The following ADAMTS20 variants were observed in gnomAD, a reference collection of about 807,000 sequenced individuals.
The protein encoded by ADAMTS20 is A disintegrin and metalloproteinase with thrombospondin motifs 20.
ADAMTS20 carries 225 observed loss-of-function variants against 260.1 expected under a neutral mutation model. That is an observed-to-expected ratio of 0.87 (90% CI 0.78 to 0.97). The LOEUF (loss-of-function observed/expected upper bound fraction) is 0.97. Ranked by LOEUF, ADAMTS20 falls within the 50% of genes least tolerant of loss-of-function variation. The pLI is 0.00. For synonymous variants in ADAMTS20, 802 were observed against 769.5 expected (o/e 1.04, Z -0.70); for missense variants, 2,400 against 2,337.7 (o/e 1.03, Z -0.55).
chr12:43,402,807 C>A (rs1940835801), intron 28 of ADAMTS20, among the ~76,000 whole-genome samples: 1 of 152,012 alleles, frequency 6.6e-6, no homozygotes, highest in South Asian at 2.1e-4. Flanking sequence ...GCATTCTCAT[C>A]AAAAGACTTT....
intron 11 of ADAMTS20, among the ~76,000 whole-genome samples, chr12:43,457,887 A>G (rs1301574775): frequency 6.6e-6 from 1 of 152,208 alleles, no homozygotes; most frequent in Non-Finnish European, 1.5e-5. Context: ...GTATGAATCC[A>G]TTCAAATCTT....
intron 24 of ADAMTS20, 129 bp downstream of exon 24, chr12:43,429,488 A>G (rs1366121826): frequency 7.7e-6 from 5 of 652,138 alleles, no homozygotes; most frequent in East Asian, 2.8e-5. Flanking sequence ...TCTAAACCCT[A>G]TACTTCTTTG....
At chr12:43,535,911 G>T (rs1274450329) in intron 2 of ADAMTS20, among the ~76,000 whole-genome samples, 1 of 151,924 alleles carries the variant, frequency 6.6e-6, no homozygotes, top group African/African-American at 2.4e-5. Flanking sequence ...TAGCCATCAA[G>T]GTATGAAACA....
chr12:43,512,432 A>C (rs1942938094), intron 3 of ADAMTS20, among the ~76,000 whole-genome samples: 1 of 151,710 alleles, frequency 6.6e-6, no homozygotes, highest in South Asian at 2.1e-4. Flanking sequence ...AATAAAATAT[A>C]AACCTGAAAT....
chr12:43,354,267 C>A lies in ADAMTS20; in HGVS notation c.5675G>T (p.Gly1892Val). ...DGTRFFGKCG[G>V]YCGKCLPHMT... Reference sequence around the variant, plus strand: ...GTGAGGAAGACACTTTCCACAGTACCCTCCACATTTGCCGAAAAATCTAGT... The same window carrying A: ...GTGAGGAAGACACTTTCCACAGTACACTCCACATTTGCCGAAAAATCTAGT... Residue 1892 changes from glycine to valine, a missense_variant, in exon 39 of 39, where the codon GGG (glycine) becomes GTG (valine). By Grantham distance (109) the Gly-to-Val change is moderately radical. Coordinates refer to ENST00000389420, the MANE Select transcript of ADAMTS20 (RefSeq NM_025003.5). The A allele has an allele frequency of 1.3e-6, 2 of 1,593,366 alleles. No individual in the cohort carries two copies. Among genetic ancestry groups the A allele is most frequent in the Non-Finnish European group, 1.7e-6 (2 of 1,168,608 alleles).
intron 11 of ADAMTS20, among the ~76,000 whole-genome samples, chr12:43,458,041 A>C (rs1208057708): frequency 1.3e-5 from 2 of 152,238 alleles, no homozygotes; most frequent in African/African-American, 4.8e-5. Context: ...GGAAGTCCTG[A>C]TGACATGTGC....
At chr12:43,399,515 A>G (rs953958810) in intron 28 of ADAMTS20, among the ~76,000 whole-genome samples, 16 of 152,156 alleles carry the variant, frequency 1.1e-4, no homozygotes, top group Admixed American at 3.3e-4. Flanking sequence ...TGACACAACA[A>G]TGCTTCAAAT....
intron 37 of ADAMTS20, among the ~76,000 whole-genome samples, chr12:43,368,748 A>C (rs1449496653): frequency 6.6e-6 from 1 of 152,042 alleles, no homozygotes; most frequent in Non-Finnish European, 1.5e-5. Context: ...ATGTGAGAGA[A>C]TATTTTCTTC....
At chr12:43,432,519 A>T in intron 20 of ADAMTS20, 51 bp from the exon 21 acceptor site, 1 of 1,592,542 alleles carries the variant, frequency 6.3e-7, no homozygotes, top group Non-Finnish European at 8.5e-7. Context: ...CAGATTTTCA[A>T]CAAAATTATA....
chr12:43,389,139 T>A (rs1280029224), intron 29 of ADAMTS20, among the ~76,000 whole-genome samples: 5 of 152,192 alleles, frequency 3.3e-5, no homozygotes, highest in Admixed American at 3.3e-4. Context: ...AATACCAAAG[T>A]CTTAGCTCAT....
At chr12:43,410,063 G>A (rs1247128201) in intron 28 of ADAMTS20, among the ~76,000 whole-genome samples, 1 of 152,156 alleles carries the variant, frequency 6.6e-6, no homozygotes, top group Non-Finnish European at 1.5e-5. Context: ...ATTGACTAAA[G>A]TCAGTTCCAG....
At position 43,428,270 on chromosome 12, in the gene ADAMTS20, T is replaced by A. The variant is rs1194289834; in HGVS notation, c.3916A>T (p.Asn1306Tyr). 6.2e-7 allele frequency: 1 copy of A among 1,613,976 alleles called. No individual in the cohort carries two copies. The highest frequency in any genetic ancestry group is 1.7e-5 in the Admixed American group (1 of 60,020). ...CCCCATGGTCCGGTTCTCCACTGGT[T>A]TCCTCTGACTGATGGATGGACCACC... Reference protein sequence around the residue: ...NQVVHPSVRGNQWRTGPWGSC... With the variant: ...NQVVHPSVRGYQWRTGPWGSC... The change falls in exon 26 of 39, where the codon AAC (asparagine) becomes TAC (tyrosine). Residue 1306 changes from asparagine (N) to tyrosine (Y), a missense_variant. Coordinates refer to ENST00000389420, the MANE Select transcript of ADAMTS20 (RefSeq NM_025003.5).
intron 36 of ADAMTS20, among the ~76,000 whole-genome samples, chr12:43,372,496 G>A (rs1940128580): frequency 6.6e-6 from 1 of 152,166 alleles, no homozygotes; most frequent in South Asian, 2.1e-4. Context: ...ATTGGAGAGT[G>A]CAGATTATAA....
intron 6 of ADAMTS20, among the ~76,000 whole-genome samples, 178 bp downstream of exon 6, chr12:43,492,327 C>G (rs557982109): frequency 1.4e-4 from 21 of 151,490 alleles, no homozygotes; most frequent in Admixed American, 3.9e-4. Context: ...TTGCAGTGAG[C>G]CGAGATCGCG....
intron 37 of ADAMTS20, among the ~76,000 whole-genome samples, chr12:43,367,311 A>G (rs1405134285): frequency 2.0e-5 from 3 of 152,060 alleles, no homozygotes; most frequent in East Asian, 3.8e-4. Context: ...GTAGCAAACC[A>G]AATTTAGCAA....
chr12:43,530,138 T>C (rs1226609056), intron 3 of ADAMTS20, among the ~76,000 whole-genome samples: 1 of 152,156 alleles, frequency 6.6e-6, no homozygotes, highest in African/African-American at 2.4e-5. Flanking sequence ...TTTTTATTTG[T>C]AGCTTTCTAG....
chr12:43,511,154 C>T (rs891181437), intron 3 of ADAMTS20, among the ~76,000 whole-genome samples: 8 of 152,016 alleles, frequency 5.3e-5, no homozygotes, highest in African/African-American at 1.9e-4. Context: ...TCATTCAGGT[C>T]CTTCTCACCT....
At chr12:43,516,750 A>T (rs776193991) in intron 3 of ADAMTS20, among the ~76,000 whole-genome samples, 3 of 152,048 alleles carry the variant, frequency 2.0e-5, no homozygotes, top group Non-Finnish European at 2.9e-5. Flanking sequence ...ATTACAAACT[A>T]TGCACGTTGT....
chr12:43,471,289 A>G (rs923591442), intron 7 of ADAMTS20, among the ~76,000 whole-genome samples: 3 of 151,920 alleles, frequency 2.0e-5, no homozygotes, highest in Non-Finnish European at 2.9e-5. Flanking sequence ...GGCTTAAAAC[A>G]CGGCGCACCA....
Sources: gnomAD v4.1 joint callset for allele counts (sites outside exome capture counted in the v4.1 genomes callset) on GRCh38, gnomAD v4.1.1 for gene constraint, MANE v1.5 for transcripts, NCBI Gene and HGNC (gene_info 2026-07-23, HGNC 2026-07-21) for gene names.